The following UBE2V2 variants were observed in gnomAD, a reference collection of about 807,000 sequenced individuals.
UBE2V2 encodes the protein ubiquitin conjugating enzyme E2 V2.
Under a neutral mutation model 17.2 loss-of-function variants are expected in UBE2V2, and 9 were observed. The observed-to-expected ratio is 0.52, with a 90% CI of 0.32 to 0.91. The LOEUF (loss-of-function observed/expected upper bound fraction) is 0.91, where lower values mean the gene tolerates loss of function less well. Ranked by LOEUF, UBE2V2 falls within the 40% of genes least tolerant of loss-of-function variation. UBE2V2 has a pLI of 0.04. For missense variants in UBE2V2, 133 were observed against 182.6 expected, an observed-to-expected ratio of 0.73 and a Z score of 1.56; for synonymous variants, 61 against 57.5, an observed-to-expected ratio of 1.06 and a Z score of -0.28.
chr8:48,062,642 A>G lies in UBE2V2; in HGVS notation c.*1814A>G, dbSNP rs1802614204. On this transcript the variant is annotated 3_prime_UTR_variant, in exon 4 of 4. Coordinates refer to ENST00000523111, the MANE Select transcript of UBE2V2 (RefSeq NM_003350.3). ...TAATTGACCTTGGCTGTATATTAAA[A>G]TAGTTACTTTTATAGTAGAGCACAT... 1 of 152,098 alleles carries G rather than the reference A, an allele frequency of 6.6e-6. No homozygotes were observed. The highest frequency in any genetic ancestry group is 1.5e-5 in the Non-Finnish European group (1 of 68,010). 9.4% of individuals were successfully genotyped at this position (152,098 alleles called of 1,614,324 possible).
At chr8:48,019,441 T>G (rs2091290155) in intron 1 of UBE2V2, among the ~76,000 whole-genome samples, 1 of 151,980 alleles carries the variant, frequency 6.6e-6, no homozygotes, top group African/African-American at 2.4e-5. Flanking sequence ...GGCAGGAGAA[T>G]CGTGTGAACC....
chr8:48,021,419 G>A lies in UBE2V2; in HGVS notation c.16+12949G>A, dbSNP rs1373352550. On this transcript the variant is annotated intron_variant, in intron 1 of 3. Coordinates refer to ENST00000523111, the MANE Select transcript of UBE2V2 (RefSeq NM_003350.3). ...CCTCCCAGGTTCATGCCATTCTCCTGCCTCATCCTCCTGAGTAGCTGGGAC... is the reference window on the plus strand; with the variant it reads ...CCTCCCAGGTTCATGCCATTCTCCTACCTCATCCTCCTGAGTAGCTGGGAC... Among the ~76,000 whole-genome samples, 3 of 148,346 alleles carry A rather than the reference G, an allele frequency of 2.0e-5. No homozygotes were observed. The East Asian group carries it at 6.0e-4, about 30-fold the overall frequency.
chr8:48,057,722 C>T (rs2091582144), intron 3 of UBE2V2, among the ~76,000 whole-genome samples: 1 of 151,878 alleles, frequency 6.6e-6, no homozygotes, highest in African/African-American at 2.4e-5. Context: ...GTTTTCAGTG[C>T]ACAAGTTTTA....
chr8:48,060,865 C>CTT lies in UBE2V2; in HGVS notation c.*38_*39dup. On this transcript the variant is annotated 3_prime_UTR_variant, in exon 4 of 4. Coordinates refer to ENST00000523111, the MANE Select transcript of UBE2V2 (RefSeq NM_003350.3). ...CTCAAACTTGTCTTAAATCAACAAC[C>CTT]TTCTACTCATGTTAATGTCTTGATT... 6.9e-7 allele frequency: 1 copy of CTT among 1,455,354 alleles called. No homozygotes were observed. The highest frequency in any genetic ancestry group is 9.1e-7 in the Non-Finnish European group (1 of 1,099,506). The allele number at this position is 1,455,354 out of a possible 1,614,324, so 90.2% of individuals were successfully genotyped here. A position where few individuals can be genotyped will look rare whatever the true frequency, so the allele number is the denominator to read the frequency against.
chr8:48,048,153 C>T (rs1002196200), intron 2 of UBE2V2, among the ~76,000 whole-genome samples: 1 of 152,194 alleles, frequency 6.6e-6, no homozygotes, highest in African/African-American at 2.4e-5. Flanking sequence ...CGCTTTCCCA[C>T]ACCTGAGAGA....
At chr8:48,027,960 T>C (rs1444823656) in intron 1 of UBE2V2, among the ~76,000 whole-genome samples, 1 of 151,742 alleles carries the variant, frequency 6.6e-6, no homozygotes, top group Non-Finnish European at 1.5e-5. Flanking sequence ...TTCAAGCGAT[T>C]CTCCTGCCTC....
At chr8:48,059,651 T>TC (rs1317610964) in intron 3 of UBE2V2, among the ~76,000 whole-genome samples, 1 of 152,114 alleles carries the variant, frequency 6.6e-6, no homozygotes, top group East Asian at 1.9e-4. Context: ...GACCTTGTGA[T>TC]CCGCCCGCCT....
intron 1 of UBE2V2, among the ~76,000 whole-genome samples, chr8:48,030,061 A>G (rs1389150496): frequency 6.6e-6 from 1 of 152,218 alleles, no homozygotes; most frequent in African/African-American, 2.4e-5. Flanking sequence ...TTCTGCAATA[A>G]ACATTCTTAG....
At chr8:48,024,443 A>C (rs1001520418) in intron 1 of UBE2V2, among the ~76,000 whole-genome samples, 1 of 152,036 alleles carries the variant, frequency 6.6e-6, no homozygotes, top group Non-Finnish European at 1.5e-5. Context: ...TGAAAATACA[A>C]AATTAGCTGG....
upstream of UBE2V2, among the ~76,000 whole-genome samples, chr8:48,007,758 T>C (rs182520640): frequency 5.3e-3 from 788 of 149,956 alleles, 3 homozygotes; most frequent in Non-Finnish European, 7.8e-3. Flanking sequence ...TTTTTTGAAA[T>C]GGAGTCTCCC....
intron 1 of UBE2V2, among the ~76,000 whole-genome samples, chr8:48,011,575 T>TGGC (rs2091231858): frequency 1.3e-5 from 2 of 151,218 alleles, no homozygotes; most frequent in Admixed American, 6.6e-5. Flanking sequence ...GATCTTTAGT[T>TGGC]CAGTGTGCAT....
chr8:48,041,066 G>A (rs555998893), intron 1 of UBE2V2, among the ~76,000 whole-genome samples: 81 of 151,086 alleles, frequency 5.4e-4, no homozygotes, highest in African/African-American at 1.8e-3. Flanking sequence ...GGGTTTCACC[G>A]TGTTAGCCAG....
intron 1 of UBE2V2, 142 bp downstream of exon 1, chr8:48,008,612 CTGGGACCGGG>C (rs1247797630): frequency 3.1e-6 from 4 of 1,286,298 alleles, no homozygotes; most frequent in African/African-American, 3.2e-5. Context: ...AGAGCGTAGC[CTGGGACCGGG>C]TGGGACCGGC....
chr8:48,049,714 T>G (rs1435001004), intron 2 of UBE2V2, 139 bp from the exon 3 acceptor site: 30 of 695,600 alleles, frequency 4.3e-5, no homozygotes, highest in Non-Finnish European at 6.5e-5. Flanking sequence ...TAAATTTGAA[T>G]GTAGAAAAAT....
chr8:48,046,154 C>T (rs1443603743), intron 2 of UBE2V2, among the ~76,000 whole-genome samples: 1 of 151,792 alleles, frequency 6.6e-6, no homozygotes, highest in Admixed American at 6.6e-5. Flanking sequence ...GAGTCTTGCT[C>T]AGTCGCTCAG....
intron 1 of UBE2V2, chr8:48,041,635 T>G (rs530901761): frequency 8.5e-5 from 13 of 152,310 alleles, no homozygotes; most frequent in Admixed American, 4.6e-4. Context: ...AAGGTTTGAT[T>G]AATAAATATT....
At chr8:48,046,407 C>T (rs956892530) in intron 2 of UBE2V2, among the ~76,000 whole-genome samples, 4 of 151,822 alleles carry the variant, frequency 2.6e-5, no homozygotes, top group African/African-American at 7.3e-5. Flanking sequence ...CGTGAGCCAC[C>T]GCGTCTGGCC....
chr8:48,052,153 CTT>C (rs1353322174), intron 3 of UBE2V2, among the ~76,000 whole-genome samples: 1 of 152,176 alleles, frequency 6.6e-6, no homozygotes, highest in Non-Finnish European at 1.5e-5. Flanking sequence ...ATTATGCACA[CTT>C]ATCTATTTTT....
intron 1 of UBE2V2, among the ~76,000 whole-genome samples, chr8:48,014,723 A>T (rs976295543): frequency 1.3e-5 from 2 of 151,452 alleles, no homozygotes; most frequent in African/African-American, 4.9e-5. Flanking sequence ...TTAAAGTATC[A>T]GATATTAAGA....
Sources: allele counts gnomAD v4.1 joint callset (sites outside exome capture counted in the v4.1 genomes callset), GRCh38; gene constraint gnomAD v4.1.1; transcripts MANE v1.5; gene names NCBI Gene and HGNC (gene_info 2026-07-23, HGNC 2026-07-21).